Variants in DNAJC3 observed in about 807,000 individuals in gnomAD.
DNAJC3 encodes the protein DnaJ heat shock protein family (Hsp40) member C3, also known as dnaJ homolog subfamily C member 3.
DNAJC3 carries 38 observed loss-of-function variants against 68.6 expected under a neutral mutation model. The ratio of observed to expected loss-of-function variants is 0.55; its 90% CI spans 0.43 to 0.73. The LOEUF is 0.73. DNAJC3 is among the 30% of genes least tolerant of loss of function. The probability of loss-of-function intolerance (pLI) is 0.00; values close to 1 mark genes in which losing one functional copy is unlikely to be tolerated. For synonymous variants in DNAJC3, 203 were observed against 204.0 expected (o/e 1.00, Z 0.04); for missense variants, 526 against 591.9 (o/e 0.89, Z 1.16).
At position 95,698,603 on chromosome 13, in the gene DNAJC3, G is replaced by A. The variant is rs999687155; in HGVS notation, c.83-10624G>A. Among the ~76,000 whole-genome samples the A allele has an allele frequency of 5.9e-5, 9 of 152,202 alleles. No homozygotes were observed. In the South Asian group the frequency reaches 1.9e-3, roughly 31 times the overall value. On this transcript the variant is annotated intron_variant, in intron 1 of 11. Transcript: ENST00000602402. ...TCGTGACTCTCAGTGCAGATGCACA[G>A]TGTTGTCTGTCTCCAGGCCACAGTG... is the stretch of plus-strand genomic sequence containing the variant.
intron 2 of DNAJC3, among the ~76,000 whole-genome samples, chr13:95,717,698 G>A (rs533129507): frequency 6.6e-6 from 1 of 152,316 alleles, no homozygotes; most frequent in East Asian, 1.9e-4. Context: ...AGTCTCACGA[G>A]ATCTGAAGAT....
At chr13:95,790,178 C>CT (rs1883723713) in intron 11 of DNAJC3, among the ~76,000 whole-genome samples, 1 of 152,214 alleles carries the variant, frequency 6.6e-6, no homozygotes, top group South Asian at 2.1e-4. Flanking sequence ...GCAATCTTTG[C>CT]TCATACCTAT....
At chr13:95,739,188 G>C (rs1882039700) in intron 4 of DNAJC3, among the ~76,000 whole-genome samples, 2 of 152,190 alleles carry the variant, frequency 1.3e-5, no homozygotes, top group South Asian at 4.1e-4. Context: ...TCTGCTGAGA[G>C]ATCCGCTATT....
chr13:95,770,713 A>G (rs1883133726), intron 9 of DNAJC3, among the ~76,000 whole-genome samples: 1 of 152,208 alleles, frequency 6.6e-6, no homozygotes, highest in South Asian at 2.1e-4. Flanking sequence ...TAGTGTAGGA[A>G]GTAGTTACCT....
intron 9 of DNAJC3, among the ~76,000 whole-genome samples, chr13:95,764,761 A>G (rs1418008817): frequency 8.1e-6 from 1 of 123,280 alleles, no homozygotes; most frequent in Non-Finnish European, 1.7e-5. Context: ...ATATATATAC[A>G]TATATATATA....
chr13:95,725,202 T>C lies in DNAJC3; in HGVS notation c.343T>C (p.Leu115=). The C allele has an allele frequency of 1.3e-6, 2 of 1,593,730 alleles. No homozygotes were observed. The highest frequency in any genetic ancestry group is 1.1e-5 in the South Asian group (1 of 87,094). Residue 115 remains leucine (L), a synonymous_variant, in exon 4 of 12, where the codon TTA becomes CTA. Coordinates refer to ENST00000602402, the MANE Select transcript of DNAJC3 (RefSeq NM_006260.5). The stretch of plus-strand genomic sequence containing the variant: ...GGCAAGATTACAGAGAGGTCACTTA[T>C]TACTCAAACAAGGAAAACTTGATGA... ...TAARLQRGHL[L]LKQGKLDEAE... is the part of the protein sequence containing the mutation.
chr13:95,770,330 A>G (rs900164667), intron 9 of DNAJC3, among the ~76,000 whole-genome samples: 7 of 152,164 alleles, frequency 4.6e-5, no homozygotes, highest in Non-Finnish European at 5.9e-5. Flanking sequence ...ACGAAGGCCT[A>G]TATTTGTATC....
Position 95,791,003 on chromosome 13 carries a change from A to G in DNAJC3, c.1488A>G (p.Pro496=). The G allele has an allele frequency of 6.2e-7, 1 of 1,613,786 alleles. No individual in the cohort carries two copies. The highest frequency in any genetic ancestry group is 1.1e-5 in the South Asian group (1 of 90,960). Reference sequence around the variant, plus strand: ...TCAATCCCTTCAGCTCAGGCGGACCATTTAGATTTAAATTCCACTTCAATT... The same window carrying G: ...TCAATCCCTTCAGCTCAGGCGGACCGTTTAGATTTAAATTCCACTTCAATT... The part of the protein sequence containing the change: ...QGFNPFSSGG[P]FRFKFHFN The change falls in exon 12 of 12, where the codon CCA becomes CCG. Residue 496 remains proline, a synonymous_variant. Coordinates refer to ENST00000602402, the MANE Select transcript of DNAJC3 (RefSeq NM_006260.5).
intron 4 of DNAJC3, among the ~76,000 whole-genome samples, chr13:95,740,071 G>C (rs1315389141): frequency 6.6e-6 from 1 of 152,060 alleles, no homozygotes; most frequent in Non-Finnish European, 1.5e-5. Flanking sequence ...ATACCCTGCC[G>C]TGTGAGGTGT....
rs1167272172 is a variant in DNAJC3 at position 95,794,002 on chromosome 13, T to C, written c.*2972T>C. Reference sequence around the variant, plus strand: ...AATTCATTCCTCAGTTCTGAAAGTTTGTGCTTTCTTACCATGAATAGATGA... The same window carrying C: ...AATTCATTCCTCAGTTCTGAAAGTTCGTGCTTTCTTACCATGAATAGATGA... On this transcript the variant is annotated 3_prime_UTR_variant, in exon 12 of 12. Coordinates refer to ENST00000602402, the MANE Select transcript of DNAJC3 (RefSeq NM_006260.5). 6.6e-6 allele frequency: 1 copy of C among 152,192 alleles called. No homozygotes were observed. Among genetic ancestry groups the C allele is most frequent in the Non-Finnish European group, 1.5e-5 (1 of 68,034 alleles). 9.4% of individuals were successfully genotyped at this position (152,192 alleles called of 1,614,324 possible).
In DNAJC3 at chr13:95,791,103, T is replaced by C; in HGVS notation, c.*73T>C. ...AAGAAATCTTGTTCCGGGACCCTAA[T>C]GAAAAAAAATTTCAAATCTTTTCAG... On this transcript the variant is annotated 3_prime_UTR_variant, in exon 12 of 12. Transcript: ENST00000602402. 6.4e-7 allele frequency: 1 copy of C among 1,554,334 alleles called. No individual in the cohort carries two copies. The highest frequency in any genetic ancestry group is 1.2e-5 in the South Asian group (1 of 84,974).
At position 95,786,033 on chromosome 13, in the gene DNAJC3, G is replaced by T. The variant is rs575812442; in HGVS notation, c.1170G>T (p.Ser390=). 6.2e-7 allele frequency: 1 copy of T among 1,608,402 alleles called. No homozygotes were observed. The highest frequency in any genetic ancestry group is 8.5e-7 in the Non-Finnish European group (1 of 1,178,030). ...LEKAQRLLKQ[S]QKRDYYKILG... ...AAGCACAAAGATTATTGAAACAGTC[G>T]CAGAAACGAGATTATTATAAAATCT... Residue 390 remains serine, a synonymous_variant, in exon 10 of 12, where the codon TCG becomes TCT. Coordinates refer to ENST00000602402, the MANE Select transcript of DNAJC3 (RefSeq NM_006260.5).
chr13:95,723,700 A>G (rs1221666281), intron 3 of DNAJC3, among the ~76,000 whole-genome samples: 1 of 152,226 alleles, frequency 6.6e-6, no homozygotes, highest in Non-Finnish European at 1.5e-5. Context: ...TTAAGATGCT[A>G]TCAGGTGACT....
chr13:95,774,625 A>G (rs1883248473), intron 9 of DNAJC3, among the ~76,000 whole-genome samples: 2 of 152,172 alleles, frequency 1.3e-5, no homozygotes, highest in Admixed American at 6.5e-5. Flanking sequence ...AATATTGTCA[A>G]TATTTCCTTC....
At chr13:95,734,425 T>TCA (rs1881821846) in intron 4 of DNAJC3, among the ~76,000 whole-genome samples, 1 of 152,172 alleles carries the variant, frequency 6.6e-6, no homozygotes, top group Non-Finnish European at 1.5e-5. Flanking sequence ...TGACTAAATG[T>TCA]TTTTATCTTC....
rs1883856798 is a variant in DNAJC3, at chr13:95,793,506, T to TTTG, written c.*2477_*2478insTGT. 1 of 151,204 alleles carries TTTG rather than the reference T, an allele frequency of 6.6e-6. No individual in the cohort carries two copies. The highest frequency in any genetic ancestry group is 2.5e-5 in the African/African-American group (1 of 40,362). The allele number at this position is 151,204 out of a possible 1,614,324, so 9.4% of individuals were successfully genotyped here. ...CCTTTTTTTTTTTTTTTTTTTTTTT[T>TTTG]TGAGACAGAATCTTGCTCTGTTGCC... On this transcript the variant is annotated 3_prime_UTR_variant, in exon 12 of 12. Transcript: ENST00000602402.
At chr13:95,789,555 T>C (rs572263279) in intron 11 of DNAJC3, among the ~76,000 whole-genome samples, 5 of 152,232 alleles carry the variant, frequency 3.3e-5, no homozygotes, top group Admixed American at 6.5e-5. Flanking sequence ...CAGTCTATCA[T>C]TGATGGGCAT....
At chr13:95,690,339 A>G (rs1412173139) in intron 1 of DNAJC3, among the ~76,000 whole-genome samples, 1 of 151,678 alleles carries the variant, frequency 6.6e-6, no homozygotes, top group Non-Finnish European at 1.5e-5. Context: ...AGGCAGAAGA[A>G]TTTTTCTTAG....
At position 95,763,677 on chromosome 13, in the gene DNAJC3, A is replaced by G. The variant is rs747601138; in HGVS notation, c.883A>G (p.Met295Val). 2.2e-5 allele frequency: 36 copies of G among 1,613,894 alleles called. No homozygotes were observed. The highest frequency in any genetic ancestry group is 2.9e-5 in the Non-Finnish European group (34 of 1,179,906). The part of the protein sequence containing the change: ...TDATSKYESV[M>V]KTEPSIAEYT... ...TGCTACCAGCAAATATGAATCTGTC[A>G]TGAAAACAGAGCCAAGCATTGCTGA... The change falls in exon 8 of 12, where the codon ATG (methionine) becomes GTG (valine). Residue 295 changes from methionine (M) to valine (V), a missense_variant. Met to Val is a conservative substitution (Grantham distance 21, BLOSUM62 1). Transcript: ENST00000602402.
Sources: allele counts gnomAD v4.1 joint callset (sites outside exome capture counted in the v4.1 genomes callset), GRCh38; gene constraint gnomAD v4.1.1; transcripts MANE v1.5; gene names NCBI Gene and HGNC (gene_info 2026-07-23, HGNC 2026-07-21).